CREB5: variants seen among roughly 807,000 people sequenced by gnomAD.
The protein encoded by CREB5 is cyclic AMP-responsive element-binding protein 5.
Under a neutral mutation model 57.1 loss-of-function variants are expected in CREB5, and 19 were observed. That is an observed-to-expected ratio of 0.33 (90% CI 0.23 to 0.49). The LOEUF is 0.49. Ranked by LOEUF, CREB5 falls within the 20% of genes least tolerant of loss-of-function variation. The pLI, the probability that CREB5 is intolerant of heterozygous loss-of-function variation, is 0.99. For missense variants in CREB5, 579 were observed against 671.6 expected, an observed-to-expected ratio of 0.86 and a Z score of 1.52; for synonymous variants, 238 against 238.3, an observed-to-expected ratio of 1.00 and a Z score of 0.01.
At position 28,821,530 on chromosome 7, in the gene CREB5, T is replaced by C. The variant is rs1809772561; in HGVS notation, c.*2251T>C. The C allele has an allele frequency of 6.6e-6, 1 of 151,860 alleles. No homozygotes were observed. The highest frequency in any genetic ancestry group is 2.1e-4 in the South Asian group (1 of 4,814). 9.4% of individuals were successfully genotyped at this position (151,860 alleles called of 1,614,324 possible). A position where few individuals can be genotyped will look rare whatever the true frequency, so the allele number is the denominator to read the frequency against. The stretch of plus-strand genomic sequence containing the variant: ...GCAAATGGAATAATTTTCTATTATA[T>C]TTTAGACAAACATATCATTTTCGAG... On this transcript the variant is annotated 3_prime_UTR_variant, in exon 11 of 11. Transcript: ENST00000357727.
intron 1 of CREB5, among the ~76,000 whole-genome samples, chr7:28,487,341 T>C (rs1467262088): frequency 6.6e-6 from 1 of 152,074 alleles, no homozygotes; most frequent in Non-Finnish European, 1.5e-5. Context: ...CATCCCAAAG[T>C]GCTGGGATTA....
At chr7:28,533,126 A>G (rs1293504161) in intron 4 of CREB5, among the ~76,000 whole-genome samples, 1 of 152,128 alleles carries the variant, frequency 6.6e-6, no homozygotes, top group East Asian at 1.9e-4. Context: ...GTGGTGGTGC[A>G]CACTGGAAGG....
At chr7:28,305,383 G>A (rs955734961) in intron 1 of CREB5, among the ~76,000 whole-genome samples, 2 of 152,076 alleles carry the variant, frequency 1.3e-5, no homozygotes, top group Non-Finnish European at 2.9e-5. Context: ...TCCACTACTG[G>A]ACATGCCTGG....
rs376932671 is a variant in CREB5, at chr7:28,740,908, T to A, written c.702+16576T>A. 3.3e-5 allele frequency among the ~76,000 whole-genome samples: 5 copies of A among 152,218 alleles called. No homozygotes were observed. The East Asian group carries it at 9.7e-4, about 29-fold the overall frequency. On this transcript the variant is annotated intron_variant, in intron 7 of 10. Coordinates refer to ENST00000357727, the MANE Select transcript of CREB5 (RefSeq NM_182898.4). Reference sequence around the variant, plus strand: ...TTGGATATTTACTCAGGCAAAAAAATATCAAAAGGACATATTCTACCTGGA... The same window carrying A: ...TTGGATATTTACTCAGGCAAAAAAAAATCAAAAGGACATATTCTACCTGGA...
intron 5 of CREB5, among the ~76,000 whole-genome samples, chr7:28,707,914 T>C (rs7798774): frequency 0.22 from 33,629 of 152,128 alleles, 3,971 homozygotes; most frequent in Admixed American, 0.31. Flanking sequence ...GCTAAAGAAG[T>C]CTTATTTCCT....
intron 1 of CREB5, among the ~76,000 whole-genome samples, chr7:28,320,903 G>A (rs1373186735): frequency 1.3e-5 from 2 of 152,226 alleles, no homozygotes; most frequent in Admixed American, 6.5e-5. Context: ...GCAAGTATAT[G>A]TAATTGATAC....
intron 6 of CREB5, among the ~76,000 whole-genome samples, chr7:28,723,004 G>C (rs184209266): frequency 6.6e-6 from 1 of 152,320 alleles, no homozygotes; most frequent in East Asian, 1.9e-4. Flanking sequence ...GCCCTCTCAA[G>C]CTTCACTCTT....
At chr7:28,795,846 G>A (rs931322437) in intron 7 of CREB5, among the ~76,000 whole-genome samples, 4 of 150,014 alleles carry the variant, frequency 2.7e-5, no homozygotes, top group South Asian at 2.1e-4. Flanking sequence ...TCCACCGCCC[G>A]GAATTCAAGC....
intron 7 of CREB5, among the ~76,000 whole-genome samples, chr7:28,759,644 A>G (rs1805534096): frequency 6.6e-6 from 1 of 152,182 alleles, no homozygotes; most frequent in Admixed American, 6.5e-5. Flanking sequence ...ATTTCTAGCT[A>G]AGTAAGTTTG....
rs5883165 is a variant in CREB5, at chr7:28,717,086, C to CTTTT, written c.465-1651_465-1648dup. Among the ~76,000 whole-genome samples, 144 of 110,204 alleles carry CTTTT rather than the reference C, an allele frequency of 1.3e-3. 11 individuals are homozygous for CTTTT. Among genetic ancestry groups the CTTTT allele is most frequent in the Middle Eastern group, 0.014 (2 of 142 alleles). The allele number at this position is 110,204 out of a possible 152,430, so 72.3% of individuals were successfully genotyped here. A position where few individuals can be genotyped will look rare whatever the true frequency, so the allele number is the denominator to read the frequency against. On this transcript the variant is annotated intron_variant, in intron 5 of 10. Coordinates refer to ENST00000357727, the MANE Select transcript of CREB5 (RefSeq NM_182898.4). Reference sequence around the variant, plus strand: ...AATCTCTGCGGAAAGGCTTTATATTCTTTTTTTTTTTTTTTTTTTGAGATG... The same window carrying CTTTT: ...AATCTCTGCGGAAAGGCTTTATATTCTTTTTTTTTTTTTTTTTTTTTTTGAGATG...
rs1809734890 is a variant in CREB5 at position 28,821,043 on chromosome 7, A to G, written c.*1764A>G. 6.6e-6 allele frequency: 1 copy of G among 152,398 alleles called. No homozygotes were observed. The highest frequency in any genetic ancestry group is 2.1e-4 in the South Asian group (1 of 4,816). 9.4% of individuals were successfully genotyped at this position (152,398 alleles called of 1,614,324 possible). On this transcript the variant is annotated 3_prime_UTR_variant, in exon 11 of 11. Coordinates refer to ENST00000357727, the MANE Select transcript of CREB5 (RefSeq NM_182898.4). ...TGCTAATGTTTTAATATCACATCTC[A>G]CAAATAACAGGGGTGAATGTTTCTC... is the stretch of plus-strand genomic sequence containing the variant.
chr7:28,577,114 A>G (rs1795937007), intron 5 of CREB5, among the ~76,000 whole-genome samples: 1 of 152,234 alleles, frequency 6.6e-6, no homozygotes, highest in African/African-American at 2.4e-5. Context: ...AGGCTCTGCC[A>G]TTTAAAACAT....
intron 1 of CREB5, among the ~76,000 whole-genome samples, chr7:28,356,753 C>T (rs1231543748): frequency 6.6e-6 from 1 of 152,280 alleles, no homozygotes; most frequent in Non-Finnish European, 1.5e-5. Flanking sequence ...TGCTGTGTTT[C>T]GGCCACAGGA....
At chr7:28,436,840 G>C (rs73297139) in intron 1 of CREB5, among the ~76,000 whole-genome samples, 2,614 of 152,214 alleles carry the variant, frequency 0.017, 87 homozygotes, top group African/African-American at 0.059. Context: ...AAGAAAGTGG[G>C]ATAATGGGAT....
At chr7:28,568,564 T>C (rs566401465) in intron 4 of CREB5, among the ~76,000 whole-genome samples, 68 of 152,346 alleles carry the variant, frequency 4.5e-4, no homozygotes, top group African/African-American at 1.6e-3. Context: ...CCAATGCACA[T>C]TGCCATTTCC....
chr7:28,317,895 G>A (rs1785412248), intron 1 of CREB5, among the ~76,000 whole-genome samples: 1 of 152,222 alleles, frequency 6.6e-6, no homozygotes, highest in Admixed American at 6.5e-5. Context: ...CCATAGAGTA[G>A]ATGGCCATTC....
chr7:28,356,988 C>T (rs17642724), intron 1 of CREB5, among the ~76,000 whole-genome samples: 15 of 152,064 alleles, frequency 9.9e-5, no homozygotes, highest in Admixed American at 7.8e-4. Context: ...GATTATATAG[C>T]GGAGGAAGCT....
chr7:28,550,955 T>C (rs765527735), intron 4 of CREB5, among the ~76,000 whole-genome samples: 28 of 152,294 alleles, frequency 1.8e-4, no homozygotes, highest in Middle Eastern at 6.8e-3. Context: ...TGATGCCAAA[T>C]GTTCATAGGA....
chr7:28,476,249 A>G (rs1791064490), intron 1 of CREB5, among the ~76,000 whole-genome samples: 2 of 152,244 alleles, frequency 1.3e-5, no homozygotes. Context: ...CTGGATTATC[A>G]GAGAATCATC....
Sources: gnomAD v4.1 joint callset for allele counts (sites outside exome capture counted in the v4.1 genomes callset) on GRCh38, gnomAD v4.1.1 for gene constraint, MANE v1.5 for transcripts, NCBI Gene and HGNC (gene_info 2026-07-23, HGNC 2026-07-21) for gene names.